Variants in MYT1L observed in about 807,000 individuals in gnomAD.
MYT1L encodes myelin transcription factor 1-like protein.
A neutral mutation model predicts 126.7 loss-of-function variants in MYT1L; 12 were observed. That is an observed-to-expected ratio of 0.09 (90% CI 0.06 to 0.15). MYT1L has a LOEUF of 0.15. Ranked by LOEUF, MYT1L falls within the 10% of genes least tolerant of loss-of-function variation. The pLI is 1.00. For synonymous variants in MYT1L, 541 were observed against 604.2 expected (o/e 0.90, Z 1.53); for missense variants, 979 against 1,585.2 (o/e 0.62, Z 6.49).
At chr2:1,918,613 G>C (rs796348715) in intron 10 of MYT1L, among the ~76,000 whole-genome samples, 7 of 152,296 alleles carry the variant, frequency 4.6e-5, no homozygotes, top group African/African-American at 1.7e-4. Context: ...AGCAGGAATA[G>C]ACAAATGCCA....
intron 1 of MYT1L, among the ~76,000 whole-genome samples, chr2:2,310,064 C>G (rs1366855477): frequency 6.6e-6 from 1 of 151,958 alleles, no homozygotes; most frequent in Non-Finnish European, 1.5e-5. Context: ...TAGACTCCAC[C>G]TACACTTTTA....
chr2:2,107,464 G>A (rs1211987789), intron 3 of MYT1L, among the ~76,000 whole-genome samples: 1 of 152,186 alleles, frequency 6.6e-6, no homozygotes, highest in Non-Finnish European at 1.5e-5. Flanking sequence ...GCTCTCTGAC[G>A]CATTACAGAA....
At chr2:1,864,448 C>T (rs765048914) in intron 18 of MYT1L, among the ~76,000 whole-genome samples, 8 of 152,206 alleles carry the variant, frequency 5.3e-5, no homozygotes, top group South Asian at 2.1e-4. Flanking sequence ...AGGCATGTGC[C>T]GACTTCGTGT....
chr2:2,015,102 G>A (rs2064238581), intron 4 of MYT1L, among the ~76,000 whole-genome samples: 1 of 152,212 alleles, frequency 6.6e-6, no homozygotes, highest in South Asian at 2.1e-4. Flanking sequence ...GATACCAGGT[G>A]TCCTGGTGTG....
At chr2:2,176,341 C>G (rs868672854) in intron 2 of MYT1L, among the ~76,000 whole-genome samples, 1 of 152,194 alleles carries the variant, frequency 6.6e-6, no homozygotes. Context: ...TGCTTTAAGT[C>G]TAGGTCAGTT....
intron 2 of MYT1L, among the ~76,000 whole-genome samples, chr2:2,261,479 A>T (rs2094965179): frequency 6.6e-6 from 1 of 152,236 alleles, no homozygotes; most frequent in Non-Finnish European, 1.5e-5. Flanking sequence ...TAGCCACAGC[A>T]TTAGTCCTCC....
intron 2 of MYT1L, among the ~76,000 whole-genome samples, chr2:2,197,846 A>C (rs186578280): frequency 2.0e-5 from 3 of 151,830 alleles, no homozygotes; most frequent in African/African-American, 7.3e-5. Flanking sequence ...GAATGTGTAG[A>C]GATGTACCTA....
In MYT1L at chr2:2,141,815, G is replaced by C. The variant is rs147735288; in HGVS notation, c.-304+31057C>G. 9.0e-4 allele frequency among the ~76,000 whole-genome samples: 137 copies of C among 152,280 alleles called. 1 individual carries two copies. The East Asian group carries it at 0.023, about 26-fold the overall frequency. On this transcript the variant is annotated intron_variant, in intron 3 of 24. Transcript: ENST00000647738. The stretch of plus-strand genomic sequence containing the variant: ...GACTCAGCCAAACGCCAGAGAGCTG[G>C]AGTAAAACCTTAGTCCAGGAGCCTC...
At chr2:1,830,036 CA>C in intron 21 of MYT1L, among the ~76,000 whole-genome samples, 1 of 152,284 alleles carries the variant, frequency 6.6e-6, no homozygotes, top group Non-Finnish European at 1.5e-5. Flanking sequence ...CAGGAAGGAA[CA>C]AAGGTCCCCA....
rs1229879350 is a variant in MYT1L, at chr2:1,889,034, A to C, written c.2520+207T>G. Among the ~76,000 whole-genome samples, 1 of 152,212 alleles carries C rather than the reference A, an allele frequency of 6.6e-6. No homozygotes were observed. The highest frequency in any genetic ancestry group is 6.5e-5 in the Admixed American group (1 of 15,282). On this transcript the variant is annotated intron_variant, in intron 16 of 24. Coordinates refer to ENST00000647738, the MANE Select transcript of MYT1L (RefSeq NM_001303052.2). The surrounding 1 kb of genome is among the most constrained non-coding windows in gnomAD (Gnocchi z 4.1). ...GAAAATAAACTTTATCATTTACAAG[A>C]GTCAATACTTTGTTTCACTCTAATC...
intron 2 of MYT1L, among the ~76,000 whole-genome samples, chr2:2,178,184 T>C (rs1037396768): frequency 6.6e-6 from 1 of 152,176 alleles, no homozygotes; most frequent in Non-Finnish European, 1.5e-5. Flanking sequence ...TATCTATTAG[T>C]ATTTTCAAAA....
At chr2:2,185,560 C>T (rs2092035484) in intron 2 of MYT1L, among the ~76,000 whole-genome samples, 3 of 144,396 alleles carry the variant, frequency 2.1e-5, no homozygotes. Flanking sequence ...CTCCTCGAGT[C>T]CCGCGTTCCT....
intron 9 of MYT1L, among the ~76,000 whole-genome samples, chr2:1,926,719 T>C (rs2054279944): frequency 6.6e-6 from 1 of 152,178 alleles, no homozygotes; most frequent in Admixed American, 6.5e-5. Flanking sequence ...TGCACCACCA[T>C]GTAGAGACAA....
At chr2:1,971,513 C>T (rs1305851247) in intron 8 of MYT1L, among the ~76,000 whole-genome samples, 4 of 152,078 alleles carry the variant, frequency 2.6e-5, no homozygotes, top group African/African-American at 9.7e-5. Context: ...GGCAGATCAC[C>T]TGAGGTCAGG....
At chr2:2,040,408 C>G (rs1418675531) in intron 4 of MYT1L, among the ~76,000 whole-genome samples, 1 of 152,180 alleles carries the variant, frequency 6.6e-6, no homozygotes, top group East Asian at 1.9e-4. Flanking sequence ...ATCTTTAAAA[C>G]TCGATTCTGA....
At chr2:2,229,672 T>A (rs1344780363) in intron 2 of MYT1L, among the ~76,000 whole-genome samples, 3 of 152,056 alleles carry the variant, frequency 2.0e-5, no homozygotes, top group Non-Finnish European at 4.4e-5. Context: ...GGCTCCAGCG[T>A]GCACCCACTA....
chr2:1,886,516 G>A, intron 18 of MYT1L, 23 bp downstream of exon 18: 1 of 1,535,086 alleles, frequency 6.5e-7, no homozygotes, highest in African/African-American at 1.4e-5. Context: ...TTTTAAAAGA[G>A]AATTATTGTC....
chr2:1,953,609 T>C (rs947357143), intron 8 of MYT1L, among the ~76,000 whole-genome samples: 5 of 152,206 alleles, frequency 3.3e-5, no homozygotes, highest in Admixed American at 3.3e-4. Flanking sequence ...ATTGTCTCAA[T>C]TTAGCTGTTT....
chr2:1,966,400 T>C (rs1035204028), intron 8 of MYT1L, among the ~76,000 whole-genome samples: 2 of 152,216 alleles, frequency 1.3e-5, no homozygotes, highest in Admixed American at 6.5e-5. Context: ...AAAATCGTTA[T>C]ATTCTCTATG....
Sources: gnomAD v4.1 joint callset for allele counts (sites outside exome capture counted in the v4.1 genomes callset) on GRCh38, gnomAD v4.1.1 for gene constraint, Gnocchi (gnomAD v3.1) non-coding constraint, MANE v1.5 for transcripts, NCBI Gene and HGNC (gene_info 2026-07-23, HGNC 2026-07-21) for gene names.